LCOR: variants seen among roughly 807,000 people sequenced by gnomAD.
LCOR encodes ligand-dependent corepressor.
LCOR carries 14 observed loss-of-function variants against 64.4 expected under a neutral mutation model. That is an observed-to-expected ratio of 0.22 (90% CI 0.14 to 0.34). LCOR has a LOEUF of 0.34. Ranked by LOEUF, LCOR falls within the 10% of genes least tolerant of loss-of-function variation. The pLI, the probability that LCOR is intolerant of heterozygous loss-of-function variation, is 1.00. For synonymous variants in LCOR, 643 were observed against 642.5 expected, an observed-to-expected ratio of 1.00 and a Z score of -0.01; for missense variants, 1,686 against 1,765.3, an observed-to-expected ratio of 0.96 and a Z score of 0.80.
At chr10:96,938,382 A>T (rs1847389621) in intron 4 of LCOR, among the ~76,000 whole-genome samples, 1 of 152,220 alleles carries the variant, frequency 6.6e-6, no homozygotes, top group Non-Finnish European at 1.5e-5. Context: ...GTAAAAACAA[A>T]CACAACAAAC....
chr10:96,932,914 G>T (rs1847287122), intron 4 of LCOR, among the ~76,000 whole-genome samples: 1 of 152,100 alleles, frequency 6.6e-6, no homozygotes, highest in African/African-American at 2.4e-5. Flanking sequence ...TGTTTATTTT[G>T]GTTGATGGTT....
chr10:96,942,530 A>G (rs1416416497), intron 4 of LCOR, among the ~76,000 whole-genome samples: 3 of 152,216 alleles, frequency 2.0e-5, no homozygotes, highest in Non-Finnish European at 4.4e-5. Flanking sequence ...TTAATACATT[A>G]TATAGCAAAC....
intron 7 of LCOR, chr10:96,955,554 T>C (rs764606374): frequency 6.2e-7 from 1 of 1,614,146 alleles, no homozygotes; most frequent in Non-Finnish European, 8.5e-7. Context: ...ACCCGATTCT[T>C]GGGGCTCAGA....
At chr10:96,873,977 C>G (rs1415551592) in intron 2 of LCOR, among the ~76,000 whole-genome samples, 4 of 152,044 alleles carry the variant, frequency 2.6e-5, no homozygotes, top group African/African-American at 7.2e-5. Flanking sequence ...TCGCCAAGCT[C>G]TCTTGCTTGT....
At chr10:96,954,450 G>C (rs544106843) in intron 7 of LCOR, among the ~76,000 whole-genome samples, 100 of 140,102 alleles carry the variant, frequency 7.1e-4, no homozygotes, top group African/African-American at 2.6e-3. Context: ...AATTATTTAT[G>C]GGTTCCAGTA....
chr10:96,861,232 C>CT (rs1370089595), intron 2 of LCOR, among the ~76,000 whole-genome samples: 1 of 152,152 alleles, frequency 6.6e-6, no homozygotes, highest in Non-Finnish European at 1.5e-5. Context: ...TATGCAAGTA[C>CT]TTTTAAATAC....
intron 4 of LCOR, among the ~76,000 whole-genome samples, chr10:96,920,010 A>G (rs1847020136): frequency 6.6e-6 from 1 of 152,166 alleles, no homozygotes; most frequent in Non-Finnish European, 1.5e-5. Flanking sequence ...GTGTATACCT[A>G]GAAATGGAAT....
Position 96,899,673 on chromosome 10 carries a change from A to G in LCOR, c.-329-7592A>G, listed in dbSNP as rs78351237. Reference sequence around the variant, plus strand: ...TAAATATTGATTAATAAAACCTTAGATACTTAAATAAATCTTGTAAATCTA... The same window carrying G: ...TAAATATTGATTAATAAAACCTTAGGTACTTAAATAAATCTTGTAAATCTA... On this transcript the variant is annotated intron_variant, in intron 2 of 7. Coordinates refer to ENST00000421806, the MANE Select transcript of LCOR (RefSeq NM_001346516.2). 3.6e-3 allele frequency among the ~76,000 whole-genome samples: 553 copies of G among 152,208 alleles called. 1 individual carries two copies. The highest frequency in any genetic ancestry group is 6.3e-3 in the Non-Finnish European group (425 of 67,928).
intron 2 of LCOR, among the ~76,000 whole-genome samples, chr10:96,894,386 A>G (rs1167178629): frequency 6.6e-6 from 1 of 152,212 alleles, no homozygotes; most frequent in Non-Finnish European, 1.5e-5. Context: ...CTGAGAGTAC[A>G]TTTTAGAAGG....
At chr10:96,954,806 T>C in intron 7 of LCOR, 1 of 354,884 alleles carries the variant, frequency 2.8e-6, no homozygotes, top group Non-Finnish European at 4.9e-6. Context: ...GCTGAGACCA[T>C]TTTTTTTTTA....
chr10:96,920,794 GC>G (rs1847066833), intron 4 of LCOR, among the ~76,000 whole-genome samples: 1 of 65,304 alleles, frequency 1.5e-5, no homozygotes, highest in African/African-American at 5.5e-5. Flanking sequence ...ACACACACGC[GC>G]GGTGGGGGGG....
chr10:96,857,077 G>GAT (rs200056111), intron 2 of LCOR, among the ~76,000 whole-genome samples: 1,477 of 147,038 alleles, frequency 0.01, 30 homozygotes, highest in African/African-American at 0.036. Flanking sequence ...TATTACTATA[G>GAT]ATATATATAT....
intron 7 of LCOR, chr10:96,960,375 A>T (rs1358186096): frequency 1.3e-5 from 2 of 152,212 alleles, no homozygotes; most frequent in Non-Finnish European, 2.9e-5. Flanking sequence ...TAACAGTTAT[A>T]TGAGAGATTG....
intron 2 of LCOR, among the ~76,000 whole-genome samples, chr10:96,904,480 G>A (rs779138565): frequency 2.0e-5 from 3 of 152,150 alleles, no homozygotes; most frequent in Non-Finnish European, 4.4e-5. Flanking sequence ...AGAGGTGGTG[G>A]CATCATTGAA....
intron 2 of LCOR, among the ~76,000 whole-genome samples, chr10:96,900,212 A>G (rs1311714868): frequency 6.6e-6 from 1 of 152,120 alleles, no homozygotes; most frequent in Non-Finnish European, 1.5e-5. Context: ...TTCACCTAAC[A>G]CAATGTGTTT....
chr10:96,871,357 CA>C (rs1846069251), intron 2 of LCOR, among the ~76,000 whole-genome samples: 1 of 151,416 alleles, frequency 6.6e-6, no homozygotes, highest in Non-Finnish European at 1.5e-5. Flanking sequence ...CTCCCAGGCT[CA>C]ATTTTTTTTT....
intron 2 of LCOR, among the ~76,000 whole-genome samples, chr10:96,869,121 G>A (rs1846027588): frequency 1.3e-5 from 2 of 152,178 alleles, no homozygotes; most frequent in African/African-American, 4.8e-5. Flanking sequence ...GGCTAGGCTG[G>A]TCTCAAAGCT....
chr10:96,842,591 CA>C (rs1243105763), intron 2 of LCOR, among the ~76,000 whole-genome samples: 1 of 151,322 alleles, frequency 6.6e-6, no homozygotes, highest in African/African-American at 2.4e-5. Flanking sequence ...TCAGTTGATA[CA>C]AAAATTTTCT....
intron 2 of LCOR, among the ~76,000 whole-genome samples, chr10:96,841,713 T>C (rs549507490): frequency 6.6e-6 from 1 of 151,944 alleles, no homozygotes; most frequent in East Asian, 1.9e-4. Flanking sequence ...TTATTTCCCA[T>C]GATAATTGCT....
Sources: gnomAD v4.1 joint callset for allele counts (sites outside exome capture counted in the v4.1 genomes callset) on GRCh38, gnomAD v4.1.1 for gene constraint, MANE v1.5 for transcripts, NCBI Gene and HGNC (gene_info 2026-07-23, HGNC 2026-07-21) for gene names.